Variants in LDLRAD4 observed in about 807,000 individuals in gnomAD.
LDLRAD4 encodes low-density lipoprotein receptor class A domain-containing protein 4.
Under a neutral mutation model 17.0 loss-of-function variants are expected in LDLRAD4, and 5 were observed. The observed-to-expected ratio is 0.29, with a 90% CI of 0.15 to 0.62. LDLRAD4 has a LOEUF of 0.62. Ranked by LOEUF, LDLRAD4 falls within the 20% of genes least tolerant of loss-of-function variation. The pLI is 0.84. For synonymous variants in LDLRAD4, 168 were observed against 171.8 expected (o/e 0.98, Z 0.17); for missense variants, 340 against 424.7 (o/e 0.80, Z 1.75).
At chr18:13,315,340 G>C (rs1376877819) in intron 1 of LDLRAD4, among the ~76,000 whole-genome samples, 3 of 152,028 alleles carry the variant, frequency 2.0e-5, no homozygotes, top group Non-Finnish European at 2.9e-5. Flanking sequence ...AAAAAATTAA[G>C]GTCCAAATGA....
chr18:13,432,092 T>C (rs576056142), intron 2 of LDLRAD4, among the ~76,000 whole-genome samples: 93 of 152,268 alleles, frequency 6.1e-4, no homozygotes, highest in African/African-American at 2.2e-3. Flanking sequence ...GCCGGTGCAG[T>C]CTCGCAGCCT....
At chr18:13,291,737 TC>T (rs2045974845) in intron 1 of LDLRAD4, among the ~76,000 whole-genome samples, 1 of 152,196 alleles carries the variant, frequency 6.6e-6, no homozygotes, top group Non-Finnish European at 1.5e-5. Context: ...AAGCAATGTT[TC>T]TGAGGAATTA....
intron 3 of LDLRAD4, among the ~76,000 whole-genome samples, chr18:13,554,797 C>G (rs1340681005): frequency 1.3e-5 from 2 of 152,174 alleles, no homozygotes; most frequent in African/African-American, 4.8e-5. Context: ...ACTCTGCCCT[C>G]AAAGAGGGAG....
At chr18:13,586,878 A>G (rs1476256664) in intron 3 of LDLRAD4, among the ~76,000 whole-genome samples, 3 of 149,912 alleles carry the variant, frequency 2.0e-5, no homozygotes, top group Non-Finnish European at 4.4e-5. Context: ...AAAAAAAAAA[A>G]GGAAAAAAAA....
chr18:13,247,807 C>G (rs182139465), intron 1 of LDLRAD4, among the ~76,000 whole-genome samples: 1 of 152,086 alleles, frequency 6.6e-6, no homozygotes, highest in African/African-American at 2.4e-5. Flanking sequence ...GAGCTTTCCC[C>G]GATTTCTGCC....
intron 1 of LDLRAD4, among the ~76,000 whole-genome samples, chr18:13,349,630 ATTTAC>A (rs1260712192): frequency 6.6e-6 from 1 of 151,886 alleles, no homozygotes; most frequent in East Asian, 1.9e-4. Flanking sequence ...ATTTTTTTAA[ATTTAC>A]TTTAAGTTCT....
intron 1 of LDLRAD4, among the ~76,000 whole-genome samples, chr18:13,294,133 G>T (rs1213398040): frequency 6.6e-6 from 1 of 152,222 alleles, no homozygotes; most frequent in African/African-American, 2.4e-5. Context: ...ACTCCCACAT[G>T]CTTAGCGTTC....
intron 3 of LDLRAD4, among the ~76,000 whole-genome samples, chr18:13,555,369 G>A (rs1324261292): frequency 6.6e-6 from 1 of 152,146 alleles, no homozygotes; most frequent in African/African-American, 2.4e-5. Flanking sequence ...AAGTCTGATT[G>A]CAAATAACAC....
chr18:13,610,034 T>G (rs1008861269), intron 3 of LDLRAD4, among the ~76,000 whole-genome samples: 1 of 151,968 alleles, frequency 6.6e-6, no homozygotes, highest in Non-Finnish European at 1.5e-5. Flanking sequence ...AGATGCCCAG[T>G]GACAGGGAAG....
intron 2 of LDLRAD4, among the ~76,000 whole-genome samples, chr18:13,431,820 A>G (rs138523954): frequency 2.7e-3 from 406 of 152,338 alleles, no homozygotes; most frequent in African/African-American, 9.5e-3. Flanking sequence ...ACCACTTAAG[A>G]TAGGACTTTT....
chr18:13,475,926 G>A (rs1568217679), intron 3 of LDLRAD4, among the ~76,000 whole-genome samples: 1 of 152,226 alleles, frequency 6.6e-6, no homozygotes, highest in African/African-American at 2.4e-5. Flanking sequence ...GATGGAGGAG[G>A]AAATGGAAAT....
chr18:13,560,150 A>C (rs1158994118), intron 3 of LDLRAD4, among the ~76,000 whole-genome samples: 1 of 152,116 alleles, frequency 6.6e-6, no homozygotes, highest in Non-Finnish European at 1.5e-5. Context: ...TTCAGAGCAA[A>C]TATAGAAACC....
Position 13,361,622 on chromosome 18 carries a change from G to A in LDLRAD4, c.-382-25719G>A, listed in dbSNP as rs533384015. On this transcript the variant is annotated intron_variant, in intron 1 of 5. Transcript: ENST00000359446. ...CTAGTTCTTTCATTGGCAGGAGTGC[G>A]TGTTGTCTTGTAGGGGTTCTGGATG... 2.6e-5 allele frequency among the ~76,000 whole-genome samples: 4 copies of A among 152,290 alleles called. No individual in the cohort carries two copies. In the East Asian group the frequency reaches 5.8e-4, roughly 22 times the overall value.
At position 13,315,783 on chromosome 18, in the gene LDLRAD4, T is replaced by TAA. The variant is rs78099800; in HGVS notation, c.-383+37612_-383+37613dup. ...TGGGCAACAAGAGTGAAACTCCGTC[T>TAA]AAAAAAAAAAAAAAAAAAGAATGTA... On this transcript the variant is annotated intron_variant, in intron 1 of 5. Transcript: ENST00000359446. 4.6e-3 allele frequency among the ~76,000 whole-genome samples: 394 copies of TAA among 85,892 alleles called. 2 individuals are homozygous for TAA. Among genetic ancestry groups the TAA allele is most frequent in the East Asian group, 0.018 (58 of 3,174 alleles). The allele number at this position is 85,892 out of a possible 152,430, so 56.3% of individuals were successfully genotyped here.
intron 1 of LDLRAD4, among the ~76,000 whole-genome samples, chr18:13,344,757 T>C (rs571803435): frequency 3.9e-5 from 6 of 152,332 alleles, no homozygotes; most frequent in African/African-American, 1.4e-4. Context: ...TTTTATTTCA[T>C]TGAGCAGTGT....
At chr18:13,447,627 T>C (rs996883277) in intron 3 of LDLRAD4, among the ~76,000 whole-genome samples, 9 of 152,244 alleles carry the variant, frequency 5.9e-5, no homozygotes, top group African/African-American at 2.2e-4. Context: ...ATTTATCCAC[T>C]TCTTTAAATA....
intron 3 of LDLRAD4, among the ~76,000 whole-genome samples, chr18:13,501,808 A>G (rs1283447821): frequency 6.6e-6 from 1 of 152,160 alleles, no homozygotes; most frequent in Non-Finnish European, 1.5e-5. Flanking sequence ...ATGCATGATA[A>G]AAACAGGGGC....
At chr18:13,222,407 A>G (rs2041508683) in intron 1 of LDLRAD4, among the ~76,000 whole-genome samples, 2 of 152,160 alleles carry the variant, frequency 1.3e-5, no homozygotes, top group African/African-American at 4.8e-5. Context: ...TCTGCTGGAA[A>G]AAGAGAAGCA....
chr18:13,526,643 A>G (rs1036277999), intron 3 of LDLRAD4: 1 of 152,254 alleles, frequency 6.6e-6, no homozygotes. Context: ...CAGAGCAAAA[A>G]TAAAATGTCA....
Sources: gnomAD v4.1 joint callset for allele counts (sites outside exome capture counted in the v4.1 genomes callset) on GRCh38, gnomAD v4.1.1 for gene constraint, MANE v1.5 for transcripts, NCBI Gene and HGNC (gene_info 2026-07-23, HGNC 2026-07-21) for gene names.